RBFOX1: variants seen among roughly 807,000 people sequenced by gnomAD.
The protein encoded by RBFOX1 is RNA binding fox-1 homolog 1.
In RBFOX1, 8 loss-of-function variants were observed where a neutral mutation model predicts 57.7. The observed-to-expected ratio is 0.14, with a 90% CI of 0.08 to 0.25. The LOEUF is 0.25. RBFOX1 is among the 10% of genes least tolerant of loss of function. RBFOX1 has a pLI of 1.00. For synonymous variants in RBFOX1, 326 were observed against 222.4 expected (o/e 1.47, Z -4.15); for missense variants, 611 against 548.5 (o/e 1.11, Z -1.14).
At chr16:6,852,666 T>C (rs530858203) in intron 3 of RBFOX1, among the ~76,000 whole-genome samples, 18 of 151,162 alleles carry the variant, frequency 1.2e-4, no homozygotes, top group Non-Finnish European at 2.4e-4. Context: ...GCTGTCCAGG[T>C]AAGGTGCTTG....
intron 1 of RBFOX1, among the ~76,000 whole-genome samples, chr16:5,326,252 A>G (rs17137827): frequency 0.019 from 2,824 of 152,264 alleles, 87 homozygotes; most frequent in East Asian, 0.13. Context: ...TCAGAGAGCC[A>G]ATGTGGCTAG....
At chr16:6,498,743 T>C (rs994914784) in intron 2 of RBFOX1, among the ~76,000 whole-genome samples, 2 of 152,220 alleles carry the variant, frequency 1.3e-5, no homozygotes, top group African/African-American at 4.8e-5. Flanking sequence ...ATCTAAATAA[T>C]AATTATATCT....
At chr16:7,172,325 C>T (rs919371811) in intron 4 of RBFOX1, among the ~76,000 whole-genome samples, 3 of 152,152 alleles carry the variant, frequency 2.0e-5, no homozygotes, top group African/African-American at 4.8e-5. Flanking sequence ...TCTTTTTACT[C>T]CTCAGTACCC....
At chr16:6,813,371 C>G (rs760642469) in intron 3 of RBFOX1, among the ~76,000 whole-genome samples, 1 of 152,152 alleles carries the variant, frequency 6.6e-6, no homozygotes, top group Non-Finnish European at 1.5e-5. Context: ...CTGCTTGTTG[C>G]AATTCCCATC....
intron 3 of RBFOX1, among the ~76,000 whole-genome samples, chr16:5,860,722 G>C (rs1173907226): frequency 1.3e-5 from 2 of 152,156 alleles, no homozygotes; most frequent in African/African-American, 4.8e-5. Context: ...GAAGATCAGA[G>C]AGGATTCAAG....
intron 4 of RBFOX1, among the ~76,000 whole-genome samples, chr16:5,935,836 G>A (rs1178101592): frequency 2.0e-5 from 3 of 152,126 alleles, no homozygotes; most frequent in Non-Finnish European, 4.4e-5. Context: ...ACTTTGGGTG[G>A]TCATGGTTCT....
At chr16:7,318,293 G>A (rs2096482400) in intron 4 of RBFOX1, among the ~76,000 whole-genome samples, 1 of 151,716 alleles carries the variant, frequency 6.6e-6, no homozygotes, top group Admixed American at 6.6e-5. Flanking sequence ...TAGTAATGGT[G>A]GTAGTGCTGG....
intron 3 of RBFOX1, among the ~76,000 whole-genome samples, chr16:6,866,134 TTCTA>T (rs2059873063): frequency 6.6e-6 from 1 of 152,174 alleles, no homozygotes; most frequent in Admixed American, 6.5e-5. Flanking sequence ...CCAGCTCTTT[TTCTA>T]TCTAATATGC....
chr16:5,583,490 C>G (rs1011498656), intron 2 of RBFOX1, among the ~76,000 whole-genome samples: 1 of 152,056 alleles, frequency 6.6e-6, no homozygotes, highest in African/African-American at 2.4e-5. Flanking sequence ...CGTCACTTTA[C>G]TTTTTTTTGT....
chr16:5,782,962 C>G (rs2054372537), intron 3 of RBFOX1, among the ~76,000 whole-genome samples: 1 of 152,182 alleles, frequency 6.6e-6, no homozygotes, highest in Admixed American at 6.5e-5. Flanking sequence ...ACATCACCCA[C>G]ACGGGTGAGG....
intron 3 of RBFOX1, among the ~76,000 whole-genome samples, chr16:5,794,469 C>A (rs1347858376): frequency 6.6e-6 from 1 of 151,570 alleles, no homozygotes; most frequent in Non-Finnish European, 1.5e-5. Context: ...GTCTGTGATA[C>A]CAGAGGCACA....
chr16:7,037,549 A>G (rs1014521425), intron 3 of RBFOX1, among the ~76,000 whole-genome samples: 20 of 152,306 alleles, frequency 1.3e-4, no homozygotes, highest in African/African-American at 4.6e-4. Context: ...AAAAGAAGAA[A>G]TCACAACAAC....
intron 3 of RBFOX1, among the ~76,000 whole-genome samples, chr16:5,623,480 T>TA (rs2048258112): frequency 6.6e-6 from 1 of 152,312 alleles, no homozygotes; most frequent in South Asian, 2.1e-4. Context: ...ATGGCCATGC[T>TA]AAGTGCTGGA....
chr16:5,986,478 T>C (rs1186707916), intron 4 of RBFOX1, among the ~76,000 whole-genome samples: 3 of 152,196 alleles, frequency 2.0e-5, no homozygotes, highest in South Asian at 2.1e-4. Context: ...TGGTACAATA[T>C]CTTAAGATAT....
At chr16:6,995,290 TTGTGTG>T (rs57039390) in intron 3 of RBFOX1, among the ~76,000 whole-genome samples, 1,464 of 138,392 alleles carry the variant, frequency 0.011, 12 homozygotes, top group African/African-American at 0.034. Flanking sequence ...GAAAGTAGCC[TTGTGTG>T]TGTGTGTGTG....
chr16:7,118,485 A>T (rs1452699892), intron 4 of RBFOX1, among the ~76,000 whole-genome samples: 1 of 152,170 alleles, frequency 6.6e-6, no homozygotes, highest in Non-Finnish European at 1.5e-5. Flanking sequence ...CAAGGTATGC[A>T]ATTCAGTTGA....
intron 2 of RBFOX1, among the ~76,000 whole-genome samples, chr16:6,400,691 A>C (rs1025681094): frequency 6.6e-6 from 1 of 152,202 alleles, no homozygotes; most frequent in African/African-American, 2.4e-5. Context: ...ATTTCAAGTG[A>C]AATCACTTCA....
At chr16:7,365,173 C>G (rs547693464) in intron 4 of RBFOX1, among the ~76,000 whole-genome samples, 1 of 152,152 alleles carries the variant, frequency 6.6e-6, no homozygotes, top group Non-Finnish European at 1.5e-5. Context: ...TCATGGGAGA[C>G]TTTTTCTTTC....
At chr16:6,536,409 A>C (rs563268139) in intron 2 of RBFOX1, among the ~76,000 whole-genome samples, 1 of 152,280 alleles carries the variant, frequency 6.6e-6, no homozygotes, top group African/African-American at 2.4e-5. Context: ...TCTGTCCCCT[A>C]TTGTCCTCCC....
Sources: gnomAD v4.1 joint callset for allele counts (sites outside exome capture counted in the v4.1 genomes callset) on GRCh38, gnomAD v4.1.1 for gene constraint, MANE v1.5 for transcripts, NCBI Gene and HGNC (gene_info 2026-07-23, HGNC 2026-07-21) for gene names.